Variants in CFAP70 observed in about 807,000 individuals in gnomAD.
The protein encoded by CFAP70 is cilia and flagella associated protein 70, also known as cilia- and flagella-associated protein 70.
CFAP70 carries 81 observed loss-of-function variants against 137.6 expected under a neutral mutation model. The ratio of observed to expected loss-of-function variants is 0.59; its 90% CI spans 0.49 to 0.71. The LOEUF is 0.71. Ranked by LOEUF, CFAP70 falls within the 30% of genes least tolerant of loss-of-function variation. The probability of loss-of-function intolerance (pLI) is 0.00; values close to 1 mark genes in which losing one functional copy is unlikely to be tolerated. For missense variants in CFAP70, 976 were observed against 1,226.7 expected (o/e 0.80, Z 3.05); for synonymous variants, 382 against 423.6 (o/e 0.90, Z 1.20).
chr10:73,269,151 A>T (rs1193179576), intron 25 of CFAP70, among the ~76,000 whole-genome samples: 9 of 152,168 alleles, frequency 5.9e-5, no homozygotes, highest in African/African-American at 1.7e-4. Flanking sequence ...TCCCAATGTG[A>T]TCTTAGACTG....
chr10:73,321,588 G>A (rs187660879), intron 9 of CFAP70, among the ~76,000 whole-genome samples: 4 of 152,010 alleles, frequency 2.6e-5, no homozygotes, highest in South Asian at 2.1e-4. Context: ...TTTTGTTATT[G>A]TTGTGTGTTT....
At chr10:73,361,549 GA>G (rs2055010434), upstream of CFAP70, among the ~76,000 whole-genome samples, 2 of 151,978 alleles carry the variant, frequency 1.3e-5, no homozygotes, top group South Asian at 4.1e-4. Context: ...TAGTGGTATG[GA>G]AAATATAATA....
At chr10:73,332,180 A>C (rs1267803507) in intron 7 of CFAP70, among the ~76,000 whole-genome samples, 1 of 152,172 alleles carries the variant, frequency 6.6e-6, no homozygotes, top group Non-Finnish European at 1.5e-5. Context: ...TTTAATGATA[A>C]TTTTGACAAA....
At chr10:73,292,594 C>T (rs927686042) in intron 16 of CFAP70, among the ~76,000 whole-genome samples, 2 of 152,052 alleles carry the variant, frequency 1.3e-5, no homozygotes, top group Non-Finnish European at 2.9e-5. Context: ...AAGTTAAACA[C>T]AGAATTACCG....
chr10:73,330,577 C>G (rs2051973430), intron 8 of CFAP70, among the ~76,000 whole-genome samples: 1 of 151,644 alleles, frequency 6.6e-6, no homozygotes. Context: ...TTTTATTATG[C>G]AAAAAGCCTA....
chr10:73,323,586 A>T (rs1246195914), intron 8 of CFAP70, among the ~76,000 whole-genome samples: 1 of 152,222 alleles, frequency 6.6e-6, no homozygotes, highest in Non-Finnish European at 1.5e-5. Flanking sequence ...GAAAGGGGTG[A>T]CAGACGGCAC....
chr10:73,301,148 T>TA, intron 12 of CFAP70, among the ~76,000 whole-genome samples: 1 of 152,214 alleles, frequency 6.6e-6, no homozygotes, highest in Non-Finnish European at 1.5e-5. Context: ...GCTGAGATGT[T>TA]AACGTTTGAG....
intron 18 of CFAP70, 22 bp from the exon 20 acceptor site, chr10:73,291,466 A>G (rs746658635): frequency 1.2e-5 from 20 of 1,600,896 alleles, no homozygotes; most frequent in Admixed American, 1.2e-4. Flanking sequence ...AAAATGTTGA[A>G]ATACATATGA....
At position 73,304,214 on chromosome 10, in the gene CFAP70, C is replaced by T. The variant is rs548737571; in HGVS notation, c.1257-4549G>A. 1.1e-4 allele frequency among the ~76,000 whole-genome samples: 17 copies of T among 152,134 alleles called. 1 individual carries two copies. Among genetic ancestry groups the T allele is most frequent in the East Asian group, 7.7e-4 (4 of 5,174 alleles). On this transcript the variant is annotated intron_variant, in intron 12 of 26. Coordinates refer to ENST00000310715, the Ensembl canonical transcript of CFAP70. ...GACTACAGGCACCCACCATCACGCC[C>T]GGCTAATTTTTATATTTTTAGTAGA... is the stretch of plus-strand genomic sequence containing the variant.
chr10:73,327,893 C>A (rs1415084777), intron 8 of CFAP70, among the ~76,000 whole-genome samples: 1 of 152,062 alleles, frequency 6.6e-6, no homozygotes, highest in East Asian at 1.9e-4. Context: ...GAATCAATAT[C>A]GTGAAAATGG....
chr10:73,286,524 T>G (rs946322401), intron 19 of CFAP70, among the ~76,000 whole-genome samples: 1 of 152,140 alleles, frequency 6.6e-6, no homozygotes, highest in Non-Finnish European at 1.5e-5. Flanking sequence ...GTCCTATATA[T>G]GATTTAAAAA....
At chr10:73,361,397 A>G (rs1358253633), upstream of CFAP70, among the ~76,000 whole-genome samples, 1 of 142,324 alleles carries the variant, frequency 7.0e-6, no homozygotes, top group Non-Finnish European at 1.5e-5. Flanking sequence ...GGTTCAAGTG[A>G]CCCTCCCACC....
chr10:73,302,883 C>CTT lies in CFAP70; in HGVS notation c.1257-3220_1257-3219dup, dbSNP rs1554895440. On this transcript the variant is annotated intron_variant, in intron 12 of 26. Coordinates refer to ENST00000310715, the Ensembl canonical transcript of CFAP70. ...ATAATTTTCTTTTTTCTTTTCTTTT[C>CTT]TTTTTTTTTTTTTTTTGAGAGAGGG... 2.7e-3 allele frequency among the ~76,000 whole-genome samples: 356 copies of CTT among 130,962 alleles called. 1 individual carries two copies. The highest frequency in any genetic ancestry group is 0.012 in the Middle Eastern group (3 of 258). The allele number at this position is 130,962 out of a possible 152,430, so 85.9% of individuals were successfully genotyped here.
intron 5 of CFAP70, among the ~76,000 whole-genome samples, chr10:73,343,209 CAAAAA>C (rs60755900): frequency 6.9e-5 from 5 of 72,660 alleles, no homozygotes; most frequent in Non-Finnish European, 1.3e-4. Flanking sequence ...GATTCCGTCT[CAAAAA>C]AAAAAAAAAA....
At chr10:73,303,031 G>A (rs2049084348) in intron 12 of CFAP70, among the ~76,000 whole-genome samples, 1 of 151,004 alleles carries the variant, frequency 6.6e-6, no homozygotes, top group Non-Finnish European at 1.5e-5. Context: ...CGGGTAGCTC[G>A]GACTACAGGT....
intron 15 of CFAP70, 36 bp downstream of exon 16, chr10:73,297,006 A>G (rs902984594): frequency 1.9e-6 from 3 of 1,601,154 alleles, no homozygotes; most frequent in Non-Finnish European, 1.7e-6. Context: ...GATGCTCTAC[A>G]GAGAAAAGAA....
rs765359731 is a variant in CFAP70 at position 73,269,721 on chromosome 10, C to G, written c.2926-6G>C. On this transcript the variant is annotated splice_region_variant and splice_polypyrimidine_tract_variant and intron_variant, in intron 24 of 26. Transcript: ENST00000310715. The stretch of plus-strand genomic sequence containing the variant: ...GCCTCTGTGAGCTCCTCCAGCTTGA[C>G]AGAAAAATGAGACATGTGAGTTAGC... 1.0e-5 allele frequency: 16 copies of G among 1,600,104 alleles called. No individual in the cohort carries two copies. The highest frequency in any genetic ancestry group is 1.7e-5 in the Admixed American group (1 of 59,972).
At chr10:73,291,327 C>A (rs2048166056) in exon 19 of CFAP70, 1 of 1,614,212 alleles carries the variant, frequency 6.2e-7, no homozygotes, top group Non-Finnish European at 8.5e-7. Flanking sequence ...GTCTTCTACA[C>A]CAGTGCTCTT....
intron 12 of CFAP70, among the ~76,000 whole-genome samples, chr10:73,300,965 C>T (rs1254826062): frequency 2.0e-5 from 3 of 152,180 alleles, no homozygotes; most frequent in African/African-American, 7.2e-5. Flanking sequence ...AAATTCTTAC[C>T]CTCATGGAGC....
Sources: gnomAD v4.1 joint callset for allele counts (sites outside exome capture counted in the v4.1 genomes callset) on GRCh38, gnomAD v4.1.1 for gene constraint, MANE v1.5 for transcripts, NCBI Gene and HGNC (gene_info 2026-07-23, HGNC 2026-07-21) for gene names.